LRRTM4: variants seen among roughly 807,000 people sequenced by gnomAD.
The protein encoded by LRRTM4 is leucine rich repeat transmembrane neuronal 4, also known as leucine-rich repeat transmembrane neuronal protein 4.
LRRTM4 carries 25 observed loss-of-function variants against 47.6 expected under a neutral mutation model. The ratio of observed to expected loss-of-function variants is 0.53; its 90% CI spans 0.38 to 0.73. LRRTM4 has a LOEUF of 0.73. Among genes scored for constraint, LRRTM4 ranks in the 30% least tolerant of loss-of-function variants. LRRTM4 has a pLI of 0.00. For synonymous variants in LRRTM4, 311 were observed against 269.5 expected, an observed-to-expected ratio of 1.15 and a Z score of -1.51; for missense variants, 638 against 713.4, an observed-to-expected ratio of 0.89 and a Z score of 1.20.
At chr2:77,029,978 GT>G (rs1272562056) in intron 3 of LRRTM4, among the ~76,000 whole-genome samples, 3 of 152,166 alleles carry the variant, frequency 2.0e-5, no homozygotes, top group Non-Finnish European at 4.4e-5. Context: ...TAGTGTCATA[GT>G]GTAAAAGGTC....
At chr2:77,092,910 A>ACAC (rs1338104520) in intron 3 of LRRTM4, among the ~76,000 whole-genome samples, 2 of 147,146 alleles carry the variant, frequency 1.4e-5, no homozygotes, top group Non-Finnish European at 2.9e-5. Flanking sequence ...TTTTAAAAAC[A>ACAC]CACCTCACCA....
intron 3 of LRRTM4, among the ~76,000 whole-genome samples, chr2:76,759,875 C>A (rs1673189329): frequency 6.6e-6 from 1 of 152,010 alleles, no homozygotes; most frequent in Non-Finnish European, 1.5e-5. Flanking sequence ...CATATGTAAA[C>A]CATTTCCTGT....
chr2:77,094,419 GA>G (rs952691527), intron 3 of LRRTM4, among the ~76,000 whole-genome samples: 3 of 151,566 alleles, frequency 2.0e-5, no homozygotes, highest in South Asian at 4.2e-4. Flanking sequence ...TAGAGAAATA[GA>G]AAAAAAATCC....
intron 3 of LRRTM4, among the ~76,000 whole-genome samples, chr2:76,852,248 C>T (rs1384241386): frequency 6.6e-6 from 1 of 152,162 alleles, no homozygotes; most frequent in African/African-American, 2.4e-5. Context: ...AATCAAGCCT[C>T]TCATTACCAG....
rs115401567 is a variant in LRRTM4, at chr2:77,423,247, T to C, written c.1551+95071A>G. Among the ~76,000 whole-genome samples the C allele has an allele frequency of 3.5e-3, 534 of 152,294 alleles. 8 individuals are homozygous for C. The highest frequency in any genetic ancestry group is 0.012 in the African/African-American group (493 of 41,568). ...TTATAAATAATACTGAAATAAATAC[T>C]TTTTGCATGTAATTTTTTTTTAACC... On this transcript the variant is annotated intron_variant, in intron 3 of 3. Transcript: ENST00000409884.
rs536193477 is a variant in LRRTM4 at position 76,840,879 on chromosome 2, G to T, written c.1552-91963C>A. Among the ~76,000 whole-genome samples the T allele has an allele frequency of 6.6e-5, 10 of 151,960 alleles. No homozygotes were observed. In the South Asian group the frequency reaches 2.1e-3, roughly 32 times the overall value. ...GAAGTCAGTGTGGCGATTCCTCAGG[G>T]ATCTAGAACTAGAAATACCATTTGA... On this transcript the variant is annotated intron_variant, in intron 3 of 3. Coordinates refer to ENST00000409884, the MANE Select transcript of LRRTM4 (RefSeq NM_001134745.3).
At chr2:76,905,648 T>C (rs908315935) in intron 3 of LRRTM4, among the ~76,000 whole-genome samples, 8 of 64,728 alleles carry the variant, frequency 1.2e-4, no homozygotes, top group African/African-American at 5.3e-4. Flanking sequence ...AGAGAAGTGC[T>C]TAAAGGAGCT....
intron 3 of LRRTM4, among the ~76,000 whole-genome samples, chr2:77,153,155 G>A (rs1252169706): frequency 2.0e-5 from 3 of 152,098 alleles, no homozygotes; most frequent in African/African-American, 7.2e-5. Flanking sequence ...CACCTTTAAT[G>A]CTCACATAGG....
chr2:76,891,327 T>C (rs1310647647), intron 3 of LRRTM4, among the ~76,000 whole-genome samples: 1 of 151,884 alleles, frequency 6.6e-6, no homozygotes, highest in Non-Finnish European at 1.5e-5. Context: ...TTGTTATTGC[T>C]GGTCTGAAAT....
intron 3 of LRRTM4, among the ~76,000 whole-genome samples, chr2:77,468,674 G>A (rs1677073020): frequency 1.3e-5 from 2 of 152,160 alleles, no homozygotes; most frequent in South Asian, 4.1e-4. Flanking sequence ...TCCAGCTTTG[G>A]GGGACAAACA....
At chr2:76,876,936 G>C (rs1672795533) in intron 3 of LRRTM4, among the ~76,000 whole-genome samples, 1 of 151,936 alleles carries the variant, frequency 6.6e-6, no homozygotes, top group Non-Finnish European at 1.5e-5. Flanking sequence ...TTAAAATAAA[G>C]GTTTCAAATC....
At chr2:77,384,046 A>C (rs1673162898) in intron 3 of LRRTM4, among the ~76,000 whole-genome samples, 1 of 152,066 alleles carries the variant, frequency 6.6e-6, no homozygotes, top group Non-Finnish European at 1.5e-5. Flanking sequence ...ATCACTCTTA[A>C]TATTTGCCTT....
At chr2:77,518,219 C>A in intron 3 of LRRTM4, 99 bp downstream of exon 3, 1 of 1,392,922 alleles carries the variant, frequency 7.2e-7, no homozygotes, top group South Asian at 1.8e-5. Context: ...GCAAAAGGGT[C>A]ATTAATCTTT....
At chr2:76,775,468 A>T (rs925410873) in intron 3 of LRRTM4, among the ~76,000 whole-genome samples, 39 of 152,170 alleles carry the variant, frequency 2.6e-4, no homozygotes, top group African/African-American at 8.7e-4. Flanking sequence ...ATATCAAAAG[A>T]ACTCTAAAGG....
chr2:76,911,991 C>A (rs1014853153), intron 3 of LRRTM4, among the ~76,000 whole-genome samples: 4 of 146,064 alleles, frequency 2.7e-5, no homozygotes, highest in African/African-American at 1.0e-4. Flanking sequence ...GTGCAGTGGC[C>A]GATCTCCACT....
intron 3 of LRRTM4, among the ~76,000 whole-genome samples, chr2:77,044,343 T>C (rs890701780): frequency 1.3e-5 from 2 of 151,732 alleles, no homozygotes; most frequent in Non-Finnish European, 2.9e-5. Context: ...ACTTGGAATG[T>C]TTCTTCAACA....
At chr2:76,810,239 A>C (rs919467792) in intron 3 of LRRTM4, among the ~76,000 whole-genome samples, 6 of 152,186 alleles carry the variant, frequency 3.9e-5, no homozygotes, top group Admixed American at 2.0e-4. Context: ...CTTGTAAGTG[A>C]CAATTCCAAT....
chr2:77,077,664 G>C (rs1191136427), intron 3 of LRRTM4, among the ~76,000 whole-genome samples: 1 of 152,092 alleles, frequency 6.6e-6, no homozygotes, highest in African/African-American at 2.4e-5. Flanking sequence ...ATCTAGCATT[G>C]TAAATATGGC....
rs536287889 is a variant in LRRTM4, at chr2:77,166,912, T to C, written c.1551+351406A>G. On this transcript the variant is annotated intron_variant, in intron 3 of 3. Coordinates refer to ENST00000409884, the MANE Select transcript of LRRTM4 (RefSeq NM_001134745.3). Reference sequence around the variant, plus strand: ...TAGGCATGGGCAAGGACTTCATGACTAAAACACCAAAAGCAATGGCAACGA... The same window carrying C: ...TAGGCATGGGCAAGGACTTCATGACCAAAACACCAAAAGCAATGGCAACGA... Among the ~76,000 whole-genome samples the C allele has an allele frequency of 3.3e-5, 5 of 152,212 alleles. No homozygotes were observed. The East Asian group carries it at 9.7e-4, about 30-fold the overall frequency.
Sources: gnomAD v4.1 joint callset for allele counts (sites outside exome capture counted in the v4.1 genomes callset) on GRCh38, gnomAD v4.1.1 for gene constraint, MANE v1.5 for transcripts, NCBI Gene and HGNC (gene_info 2026-07-23, HGNC 2026-07-21) for gene names.